Variants in GPR160 observed in about 807,000 individuals in gnomAD.
GPR160 encodes the protein probable G protein-coupled receptor 160.
GPR160 carries 2 observed loss-of-function variants against 2.6 expected under a neutral mutation model. The observed-to-expected ratio is 0.77, with a 90% CI of 0.32 to 2.44. The LOEUF (loss-of-function observed/expected upper bound fraction) is 2.44. Among genes scored for constraint, GPR160 ranks in the 30% most tolerant of loss-of-function variants. The pLI is 0.11. For synonymous variants in GPR160, 130 were observed against 132.2 expected (o/e 0.98, Z 0.12); for missense variants, 351 against 383.6 (o/e 0.91, Z 0.71).
chr3:170,082,163 A>G (rs554428556), intron 3 of GPR160, among the ~76,000 whole-genome samples: 3 of 152,334 alleles, frequency 2.0e-5, no homozygotes, highest in South Asian at 4.1e-4. Context: ...GTAACTTGAT[A>G]TGTACCTTTT....
chr3:170,066,130 C>CTTTTTTTTTTTTTTTTTTTTTT (rs768660597), intron 2 of GPR160, among the ~76,000 whole-genome samples: 1 of 85,168 alleles, frequency 1.2e-5, no homozygotes, highest in Admixed American at 1.5e-4. Flanking sequence ...TTTTCTTTTT[C>CTTTTTTTTTTTTTTTTTTTTTT]TTTTTTTTTT....
At position 170,085,283 on chromosome 3, in the gene GPR160, T is replaced by C. The variant is rs1713378561; in HGVS notation, c.*294T>C. 5.1e-6 allele frequency: 1 copy of C among 197,296 alleles called. No homozygotes were observed. The highest frequency in any genetic ancestry group is 6.1e-5 in the Admixed American group (1 of 16,300). 12.2% of individuals were successfully genotyped at this position (197,296 alleles called of 1,614,324 possible). On this transcript the variant is annotated 3_prime_UTR_variant, in exon 4 of 4. Transcript: ENST00000355897. ...TAACATTTGGCTATACTGATGTTTG[T>C]GTTACTCAAAAAAACTACTGGATGC... is the stretch of plus-strand genomic sequence containing the variant.
chr3:170,040,600 A>C (rs1185369068), intron 2 of GPR160, among the ~76,000 whole-genome samples: 44 of 152,258 alleles, frequency 2.9e-4, no homozygotes, highest in Admixed American at 2.9e-3. Flanking sequence ...CGGATTGTAT[A>C]AAACGTGTTA....
chr3:170,080,021 C>T (rs915279545), intron 3 of GPR160, 124 bp downstream of exon 3: 5 of 152,090 alleles, frequency 3.3e-5, no homozygotes, highest in Admixed American at 3.3e-4. Flanking sequence ...TGGGCCAGAT[C>T]GTAAAGCAAG....
intron 2 of GPR160, among the ~76,000 whole-genome samples, chr3:170,074,887 G>C (rs761311563): frequency 6.6e-6 from 1 of 151,724 alleles, no homozygotes; most frequent in Non-Finnish European, 1.5e-5. Flanking sequence ...TTAAATTTAG[G>C]TTATTGAATT....
intron 2 of GPR160, among the ~76,000 whole-genome samples, chr3:170,055,295 A>T (rs1711579873): frequency 1.3e-5 from 2 of 152,170 alleles, no homozygotes; most frequent in Non-Finnish European, 2.9e-5. Flanking sequence ...TTGGGTCCTG[A>T]CATCACACCT....
chr3:170,054,347 T>C (rs1711532203), intron 2 of GPR160, among the ~76,000 whole-genome samples: 1 of 152,172 alleles, frequency 6.6e-6, no homozygotes, highest in South Asian at 2.1e-4. Flanking sequence ...TCCAGAAAAC[T>C]GTCTCTTCAA....
rs372339784 is a variant in GPR160, at chr3:170,084,487, G to A, written c.515G>A (p.Arg172His). ...CTGAAGGCACAGAATGCTTATTCTC[G>A]TCACTGTCCTTTCTATGTCAGCATT... ...QSLKAQNAYS[R>H]HCPFYVSIQS... Residue 172 changes from arginine (R) to histidine (H), a missense_variant, in exon 4 of 4, where the codon CGT (arginine) becomes CAT (histidine). Coordinates refer to ENST00000355897, the MANE Select transcript of GPR160 (RefSeq NM_014373.3). The A allele has an allele frequency of 2.2e-5, 36 of 1,613,448 alleles. No homozygotes were observed. Among genetic ancestry groups the A allele is most frequent in the East Asian group, 4.5e-5 (2 of 44,866 alleles).
intron 2 of GPR160, among the ~76,000 whole-genome samples, chr3:170,044,475 A>G (rs1716613368): frequency 1.3e-5 from 2 of 152,108 alleles, no homozygotes; most frequent in Non-Finnish European, 2.9e-5. Flanking sequence ...CTCACTTATA[A>G]GGAACTTGTT....
At chr3:170,046,782 G>T (rs73028688) in intron 2 of GPR160, among the ~76,000 whole-genome samples, 2,006 of 152,098 alleles carry the variant, frequency 0.013, 47 homozygotes, top group African/African-American at 0.046. Flanking sequence ...CATTTGTTTC[G>T]ATTGCCTTTG....
At position 170,084,497 on chromosome 3, in the gene GPR160, T is replaced by C. The variant is rs1559995625; in HGVS notation, c.525T>C (p.Pro175=). The C allele has an allele frequency of 6.2e-7, 1 of 1,613,572 alleles. No individual in the cohort carries two copies. Among genetic ancestry groups the C allele is most frequent in the South Asian group, 1.1e-5 (1 of 91,072 alleles). Residue 175 remains proline, a synonymous_variant, in exon 4 of 4, where the codon CCT becomes CCC. Transcript: ENST00000355897. ...AGAATGCTTATTCTCGTCACTGTCC[T>C]TTCTATGTCAGCATTCAGAGTTACT... The part of the protein sequence containing the change: ...KAQNAYSRHC[P]FYVSIQSYWL...
intron 2 of GPR160, among the ~76,000 whole-genome samples, chr3:170,046,474 G>A (rs1160679400): frequency 2.0e-5 from 3 of 152,268 alleles, no homozygotes. Flanking sequence ...AGGGGTTTAA[G>A]GCCAGGTCTT....
rs1713311630 is a variant in GPR160 at position 170,084,482 on chromosome 3, T to C, written c.510T>C (p.Tyr170=). Residue 170 remains tyrosine (Y), a synonymous_variant, in exon 4 of 4, where the codon TAT becomes TAC. Transcript: ENST00000355897. ...AAAGCCTGAAGGCACAGAATGCTTA[T>C]TCTCGTCACTGTCCTTTCTATGTCA... ...IYQSLKAQNA[Y]SRHCPFYVSI... The C allele has an allele frequency of 6.2e-7, 1 of 1,613,724 alleles. No individual in the cohort carries two copies. Among genetic ancestry groups the C allele is most frequent in the Non-Finnish European group, 8.5e-7 (1 of 1,179,652 alleles).
chr3:170,047,897 G>A (rs1021376548), intron 2 of GPR160, among the ~76,000 whole-genome samples: 1 of 148,730 alleles, frequency 6.7e-6, no homozygotes, highest in African/African-American at 2.5e-5. Context: ...GAATGCAGTG[G>A]CCCAATGTCG....
intron 2 of GPR160, among the ~76,000 whole-genome samples, chr3:170,070,668 C>G (rs1712545455): frequency 6.6e-6 from 1 of 152,154 alleles, no homozygotes; most frequent in Non-Finnish European, 1.5e-5. Flanking sequence ...AGACTAGGTT[C>G]TCTAGTGTTC....
chr3:170,062,441 A>G (rs1712016764), intron 2 of GPR160: 1 of 507,794 alleles, frequency 2.0e-6, no homozygotes, highest in Non-Finnish European at 3.6e-6. Context: ...AGCCTTCAGG[A>G]GGAGAACTCC....
chr3:170,083,803 A>G (rs1000551188), intron 3 of GPR160, 102 bp from the exon 4 acceptor site: 5 of 428,944 alleles, frequency 1.2e-5, no homozygotes, highest in Non-Finnish European at 2.1e-5. Flanking sequence ...TCATATATTT[A>G]TTTGGGGAAA....
In GPR160 at chr3:170,084,388, A is replaced by ATTTCT. The variant is rs1172360602; in HGVS notation, c.419_423dup (p.Thr142SerfsTer4). On this transcript the variant is annotated frameshift_variant, in exon 4 of 4. Transcript: ENST00000355897. LOFTEE classifies it low-confidence loss of function (END_TRUNC). ...TCATTTAAGTGTCAAAAATTATTTT[A>ATTTCT]TTTCTTTACAGTAATTTTAATTTGG... The ATTTCT allele has an allele frequency of 5.0e-6, 8 of 1,606,396 alleles. No individual in the cohort carries two copies. Among genetic ancestry groups the ATTTCT allele is most frequent in the African/African-American group, 4.0e-5 (3 of 74,738 alleles).
At position 170,084,005 on chromosome 3, in the gene GPR160, T is replaced by C; in HGVS notation, c.33T>C (p.Phe11=). 1.3e-6 allele frequency: 2 copies of C among 1,540,290 alleles called. No homozygotes were observed. Among genetic ancestry groups the C allele is most frequent in the Non-Finnish European group, 1.7e-6 (2 of 1,151,530 alleles). MTALSSENCS[F]QYQLRQTNQP... is the part of the protein sequence containing the mutation. Reference sequence around the variant, plus strand: ...CTCTCTCTTCAGAGAACTGCTCTTTTCAGTACCAGTTACGTCAAACAAACC... The same window carrying C: ...CTCTCTCTTCAGAGAACTGCTCTTTCCAGTACCAGTTACGTCAAACAAACC... The change falls in exon 4 of 4, where the codon TTT becomes TTC. Residue 11 remains phenylalanine (F), a synonymous_variant. Transcript: ENST00000355897.
Sources: gnomAD v4.1 joint callset for allele counts (sites outside exome capture counted in the v4.1 genomes callset) on GRCh38, gnomAD v4.1.1 for gene constraint, MANE v1.5 for transcripts, NCBI Gene and HGNC (gene_info 2026-07-23, HGNC 2026-07-21) for gene names.